The following NAA50 variants were observed in gnomAD, a reference collection of about 807,000 sequenced individuals.
NAA50 encodes N-alpha-acetyltransferase 50.
Under a neutral mutation model 20.7 loss-of-function variants are expected in NAA50, and 7 were observed. The observed-to-expected ratio is 0.34, with a 90% confidence interval of 0.19 to 0.63. NAA50 has a LOEUF of 0.63. Ranked by LOEUF, NAA50 falls within the 30% of genes least tolerant of loss-of-function variation. NAA50 has a pLI of 0.75. For synonymous variants in NAA50, 54 were observed against 70.6 expected (o/e 0.77, Z 1.18); for missense variants, 111 against 199.1 (o/e 0.56, Z 2.66).
intron 1 of NAA50, among the ~76,000 whole-genome samples, chr3:113,741,548 A>C (rs1348136848): frequency 6.6e-6 from 1 of 152,266 alleles, no homozygotes; most frequent in East Asian, 1.9e-4. Context: ...TGAAAGCCAT[A>C]AGCAATACCT....
chr3:113,726,486 TAA>T (rs67748316), intron 1 of NAA50, among the ~76,000 whole-genome samples: 154 of 141,640 alleles, frequency 1.1e-3, no homozygotes, highest in Admixed American at 2.2e-3. Flanking sequence ...ACCATTCACA[TAA>T]AAAAAAAAAA....
chr3:113,728,146 G>A (rs1170410692), intron 1 of NAA50, among the ~76,000 whole-genome samples: 2 of 148,996 alleles, frequency 1.3e-5, no homozygotes, highest in Non-Finnish European at 3.0e-5. Context: ...TTACTTGAAT[G>A]TAAACAACCA....
intron 1 of NAA50, among the ~76,000 whole-genome samples, chr3:113,729,534 T>C (rs1708243822): frequency 6.7e-6 from 1 of 148,868 alleles, no homozygotes; most frequent in South Asian, 2.1e-4. Flanking sequence ...TAATACGCAG[T>C]TTTCTTTCTT....
At chr3:113,740,238 T>C (rs1708396654) in intron 1 of NAA50, among the ~76,000 whole-genome samples, 1 of 152,248 alleles carries the variant, frequency 6.6e-6, no homozygotes, top group Non-Finnish European at 1.5e-5. Flanking sequence ...TTACTACACT[T>C]ACAGCATGGC....
In NAA50 at chr3:113,720,994, G is replaced by A. The variant is rs1288750662; in HGVS notation, c.*766C>T. ...TCAGTTAAAGGCCATATCTCTAGCT[G>A]GGATATTAAAAAAAATTAATCTCAC... On this transcript the variant is annotated 3_prime_UTR_variant, in exon 5 of 5. Transcript: ENST00000240922. The A allele has an allele frequency of 6.6e-6, 1 of 152,288 alleles. No individual in the cohort carries two copies. Among genetic ancestry groups the A allele is most frequent in the East Asian group, 1.9e-4 (1 of 5,192 alleles). 9.4% of individuals were successfully genotyped at this position (152,288 alleles called of 1,614,324 possible). A position where few individuals can be genotyped will look rare whatever the true frequency, so the allele number is the denominator to read the frequency against.
At chr3:113,728,188 A>T (rs1250648173) in intron 1 of NAA50, among the ~76,000 whole-genome samples, 2 of 152,220 alleles carry the variant, frequency 1.3e-5, no homozygotes, top group Admixed American at 1.3e-4. Flanking sequence ...CCTATAAAAA[A>T]TTAAGTTAAA....
At chr3:113,741,289 C>T (rs1393500382) in intron 1 of NAA50, 1 of 369,220 alleles carries the variant, frequency 2.7e-6, no homozygotes. Flanking sequence ...CCACAGACCA[C>T]AAGGTACATT....
In NAA50 at chr3:113,718,593, C is replaced by A. The variant is rs1708093061; in HGVS notation, c.*3167G>T. 1.3e-5 allele frequency: 2 copies of A among 152,210 alleles called. No individual in the cohort carries two copies. Among genetic ancestry groups the A allele is most frequent in the Non-Finnish European group, 2.9e-5 (2 of 68,040 alleles). 9.4% of individuals were successfully genotyped at this position (152,210 alleles called of 1,614,324 possible). On this transcript the variant is annotated 3_prime_UTR_variant, in exon 5 of 5. Coordinates refer to ENST00000240922, the MANE Select transcript of NAA50 (RefSeq NM_025146.4). ...AAAGCTTAAAAGCCAATTCCCAACTCATTGAACTACCGTACTCCTTCCTTA... is the reference window on the plus strand; with the variant it reads ...AAAGCTTAAAAGCCAATTCCCAACTAATTGAACTACCGTACTCCTTCCTTA...
At position 113,743,746 on chromosome 3, in the gene NAA50, CAT is replaced by C. The variant is rs762907306; in HGVS notation, c.8+2194_8+2195del. Among the ~76,000 whole-genome samples the C allele has an allele frequency of 1.3e-4, 20 of 152,318 alleles. No individual in the cohort carries two copies. The East Asian group carries it at 3.7e-3, about 28-fold the overall frequency. On this transcript the variant is annotated intron_variant, in intron 1 of 4. Transcript: ENST00000240922. ...TAAGAAGTAATAGGAACTTCACTGG[CAT>C]AGTTACTGGCATAAAGGTACAGATT... is the stretch of plus-strand genomic sequence containing the variant.
In NAA50 at chr3:113,724,090, C is replaced by T; in HGVS notation, c.14G>A (p.Arg5Gln). Residue 5 changes from arginine to glutamine, a missense_variant, in exon 2 of 5, where the codon CGG (arginine) becomes CAG (glutamine). Transcript: ENST00000240922. MKGS[R>Q]IELGDVTPHN... ...TGGTGTCACATCTCCCAGCTCGATC[C>T]GGCTACTGGAACAAATCAAAATGTA... 3 of 1,576,942 alleles carry T rather than the reference C, an allele frequency of 1.9e-6. No individual in the cohort carries two copies. The highest frequency in any genetic ancestry group is 2.3e-5 in the East Asian group (1 of 44,142).
At chr3:113,741,639 G>A (rs1254569332) in intron 1 of NAA50, among the ~76,000 whole-genome samples, 4 of 152,190 alleles carry the variant, frequency 2.6e-5, no homozygotes, top group Non-Finnish European at 5.9e-5. Flanking sequence ...ACAGAAGTAA[G>A]GATCTTTGAA....
intron 1 of NAA50, among the ~76,000 whole-genome samples, chr3:113,737,446 C>A (rs1221569993): frequency 6.6e-6 from 1 of 152,202 alleles, no homozygotes; most frequent in Non-Finnish European, 1.5e-5. Flanking sequence ...AGTTTCAACA[C>A]TAACTGCTCA....
In NAA50 at chr3:113,719,358, G is replaced by T. The variant is rs1708103085; in HGVS notation, c.*2402C>A. Reference sequence around the variant, plus strand: ...ATTTGCCCCACAGTAAAAACTATCTGTCCTGAAAAATATGATGGATATATC... The same window carrying T: ...ATTTGCCCCACAGTAAAAACTATCTTTCCTGAAAAATATGATGGATATATC... On this transcript the variant is annotated 3_prime_UTR_variant, in exon 5 of 5. Transcript: ENST00000240922. 6.6e-6 allele frequency: 1 copy of T among 152,226 alleles called. No homozygotes were observed. Among genetic ancestry groups the T allele is most frequent in the Non-Finnish European group, 1.5e-5 (1 of 68,008 alleles). 9.4% of individuals were successfully genotyped at this position (152,226 alleles called of 1,614,324 possible).
chr3:113,717,849 T>G lies in NAA50; in HGVS notation c.*3911A>C, dbSNP rs1030009615. The G allele has an allele frequency of 6.6e-6, 1 of 152,210 alleles. No individual in the cohort carries two copies. Among genetic ancestry groups the G allele is most frequent in the Non-Finnish European group, 1.5e-5 (1 of 68,068 alleles). The allele number at this position is 152,210 out of a possible 1,614,324, so 9.4% of individuals were successfully genotyped here. ...TTAGAAAACTACTCCTTTTAGAGAC[T>G]AATAAAACACAACCTAACCAAAACT... On this transcript the variant is annotated 3_prime_UTR_variant, in exon 5 of 5. Coordinates refer to ENST00000240922, the MANE Select transcript of NAA50 (RefSeq NM_025146.4).
chr3:113,745,974 T>G lies in NAA50; in HGVS notation c.-25A>C. On this transcript the variant is annotated 5_prime_UTR_variant, in exon 1 of 5. Transcript: ENST00000240922. ...TCTTCCCCGCCTGCTGAGGCCGTCG[T>G]TACCACCGATATCAACGCCGTCGTA... is the stretch of plus-strand genomic sequence containing the variant. 1 of 1,605,610 alleles carries G rather than the reference T, an allele frequency of 6.2e-7. No homozygotes were observed. The highest frequency in any genetic ancestry group is 8.5e-7 in the Non-Finnish European group (1 of 1,179,278).
intron 1 of NAA50, among the ~76,000 whole-genome samples, chr3:113,729,153 T>C (rs1407817275): frequency 6.6e-6 from 1 of 152,006 alleles, no homozygotes; most frequent in Non-Finnish European, 1.5e-5. Context: ...TCCTAACTAA[T>C]TTTTGTATTT....
chr3:113,721,394 T>C lies in NAA50; in HGVS notation c.*366A>G, dbSNP rs1041196187. The stretch of plus-strand genomic sequence containing the variant: ...ACAAGATACTGCTGCTGCTTCTTTT[T>C]GTCTTTTGAAATATACAATGTTTTG... On this transcript the variant is annotated 3_prime_UTR_variant, in exon 5 of 5. Coordinates refer to ENST00000240922, the MANE Select transcript of NAA50 (RefSeq NM_025146.4). 1 of 228,462 alleles carries C rather than the reference T, an allele frequency of 4.4e-6. No homozygotes were observed. Among genetic ancestry groups the C allele is most frequent in the Non-Finnish European group, 8.6e-6 (1 of 116,726 alleles). 14.2% of individuals were successfully genotyped at this position (228,462 alleles called of 1,614,324 possible).
At chr3:113,740,758 G>T in intron 1 of NAA50, 2 of 155,622 alleles carry the variant, frequency 1.3e-5, no homozygotes, top group African/African-American at 2.4e-5. Context: ...TTTTTTAAAG[G>T]TCACTTTTAA....
intron 1 of NAA50, among the ~76,000 whole-genome samples, chr3:113,733,405 T>C (rs1374119476): frequency 6.6e-6 from 1 of 152,122 alleles, no homozygotes; most frequent in African/African-American, 2.4e-5. Context: ...CAACTGCAAT[T>C]TGTGAACCTT....
Sources: gnomAD v4.1 joint callset for allele counts (sites outside exome capture counted in the v4.1 genomes callset) on GRCh38, gnomAD v4.1.1 for gene constraint, MANE v1.5 for transcripts, NCBI Gene and HGNC (gene_info 2026-07-23, HGNC 2026-07-21) for gene names.